TNFSF15: variants seen among roughly 807,000 people sequenced by gnomAD.
TNFSF15 encodes tumor necrosis factor ligand superfamily member 15.
A neutral mutation model predicts 26.4 loss-of-function variants in TNFSF15; 15 were observed. That is an observed-to-expected ratio of 0.57 (90% CI 0.38 to 0.87). The LOEUF (loss-of-function observed/expected upper bound fraction) is 0.87, where lower values mean the gene tolerates loss of function less well. Ranked by LOEUF, TNFSF15 falls within the 40% of genes least tolerant of loss-of-function variation. TNFSF15 has a pLI of 0.00. For synonymous variants in TNFSF15, 116 were observed against 115.0 expected (o/e 1.01, Z -0.06); for missense variants, 290 against 306.1 (o/e 0.95, Z 0.39).
intron 1 of TNFSF15, among the ~76,000 whole-genome samples, chr9:114,798,110 G>A (rs1400145546): frequency 1.3e-5 from 2 of 152,178 alleles, no homozygotes; most frequent in African/African-American, 2.4e-5. Context: ...CATTTAGTAC[G>A]AGGGCCTCTA....
In TNFSF15 at chr9:114,794,046, T is replaced by C. The variant is rs185992522; in HGVS notation, c.211-478A>G. Among the ~76,000 whole-genome samples the C allele has an allele frequency of 2.0e-5, 3 of 152,362 alleles. No individual in the cohort carries two copies. The East Asian group carries it at 5.8e-4, about 29-fold the overall frequency. ...TTTCTGTGCAATACATAAAGACTTTTTAAATAATTGCAACCCTAGTTTGTG... is the reference window on the plus strand; with the variant it reads ...TTTCTGTGCAATACATAAAGACTTTCTAAATAATTGCAACCCTAGTTTGTG... On this transcript the variant is annotated intron_variant, in intron 1 of 3. Coordinates refer to ENST00000374045, the MANE Select transcript of TNFSF15 (RefSeq NM_005118.4).
chr9:114,804,066 C>T (rs1829784056), intron 1 of TNFSF15, among the ~76,000 whole-genome samples: 1 of 152,224 alleles, frequency 6.6e-6, no homozygotes, highest in South Asian at 2.1e-4. Flanking sequence ...ACCCCCATTT[C>T]CCTCTCCTTT....
chr9:114,798,843 C>T (rs1829705140), intron 1 of TNFSF15, among the ~76,000 whole-genome samples: 1 of 152,144 alleles, frequency 6.6e-6, no homozygotes, highest in South Asian at 2.1e-4. Flanking sequence ...TCCACATAGC[C>T]TTTCCTCTCA....
intron 2 of TNFSF15, 76 bp from the exon 3 acceptor site, chr9:114,792,530 T>C: frequency 1.2e-6 from 2 of 1,605,714 alleles, no homozygotes; most frequent in South Asian, 1.1e-5. Context: ...GTGAGTTGCA[T>C]GGCGCCTATG....
chr9:114,792,521 T>G, intron 2 of TNFSF15, 67 bp from the exon 3 acceptor site: 1 of 1,610,080 alleles, frequency 6.2e-7, no homozygotes, highest in Non-Finnish European at 8.5e-7. Context: ...CGGCCCTTTG[T>G]GAGTTGCATG....
Position 114,800,429 on chromosome 9 carries a change from T to C in TNFSF15, c.210+5374A>G, listed in dbSNP as rs191408365. The stretch of plus-strand genomic sequence containing the variant: ...CTTACTATGGGGTAGGTGCTTTTCA[T>C]AGTTAAATCCTCCTGCCTATCCCAG... On this transcript the variant is annotated intron_variant, in intron 1 of 3. Transcript: ENST00000374045. Among the ~76,000 whole-genome samples, 23 of 152,252 alleles carry C rather than the reference T, an allele frequency of 1.5e-4. No homozygotes were observed. In the East Asian group the frequency reaches 4.2e-3, roughly 28 times the overall value.
In TNFSF15 at chr9:114,788,429, CAGAGGTTAGAAAATATATTT is replaced by C. The variant is rs1393907376; in HGVS notation, c.*2003_*2022del. ...AAAGGCCTGGCTTAAGTTAGCCTAG[CAGAGGTTAGAAAATATATTT>C]AGAGCCTTAACCTCCAAACTGAGAA... On this transcript the variant is annotated 3_prime_UTR_variant, in exon 4 of 4. Coordinates refer to ENST00000374045, the MANE Select transcript of TNFSF15 (RefSeq NM_005118.4). 6.5e-6 allele frequency: 1 copy of C among 153,498 alleles called. No homozygotes were observed. Among genetic ancestry groups the C allele is most frequent in the Admixed American group, 6.5e-5 (1 of 15,280 alleles). 9.5% of individuals were successfully genotyped at this position (153,498 alleles called of 1,614,324 possible). A position where few individuals can be genotyped will look rare whatever the true frequency, so the allele number is the denominator to read the frequency against.
At chr9:114,793,503 G>C in intron 2 of TNFSF15, 23 bp downstream of exon 2, 1 of 1,613,130 alleles carries the variant, frequency 6.2e-7, no homozygotes, top group East Asian at 2.2e-5. Flanking sequence ...ACGAGGAAAG[G>C]CGTTGAAGAT....
chr9:114,800,156 T>C (rs962212419), intron 1 of TNFSF15, among the ~76,000 whole-genome samples: 13 of 152,296 alleles, frequency 8.5e-5, no homozygotes, highest in Non-Finnish European at 1.5e-4. Context: ...GGGAATCATG[T>C]CTGCTGAGCA....
At chr9:114,804,406 G>C (rs1348341951) in intron 1 of TNFSF15, among the ~76,000 whole-genome samples, 2 of 152,172 alleles carry the variant, frequency 1.3e-5, no homozygotes, top group Non-Finnish European at 2.9e-5. Flanking sequence ...GACAAAGGCA[G>C]TCCTCGCCTT....
chr9:114,791,768 A>G (rs987821506), intron 3 of TNFSF15: 6 of 167,464 alleles, frequency 3.6e-5, no homozygotes, highest in Non-Finnish European at 1.5e-5. Flanking sequence ...TGGTGATAGT[A>G]TGGAATTTCT....
chr9:114,792,761 G>C (rs913882043), intron 2 of TNFSF15, among the ~76,000 whole-genome samples: 1 of 152,228 alleles, frequency 6.6e-6, no homozygotes, highest in Non-Finnish European at 1.5e-5. Flanking sequence ...GCACAGTATA[G>C]ATGGAGGTGC....
chr9:114,785,962 TA>T lies in TNFSF15; in HGVS notation c.*4489del. ...CCAGGCTGGTGTGGTATTTTCATCT[TA>T]AAATGGGGTGATGGAAGGGGTGGAG... On this transcript the variant is annotated 3_prime_UTR_variant, in exon 4 of 4. Coordinates refer to ENST00000374045, the MANE Select transcript of TNFSF15 (RefSeq NM_005118.4). The T allele has an allele frequency of 6.6e-6, 1 of 152,476 alleles. No homozygotes were observed. The highest frequency in any genetic ancestry group is 1.5e-5 in the Non-Finnish European group (1 of 68,086). The allele number at this position is 152,476 out of a possible 1,614,324, so 9.4% of individuals were successfully genotyped here.
At position 114,790,083 on chromosome 9, in the gene TNFSF15, A is replaced by G. The variant is rs1829569923; in HGVS notation, c.*369T>C. ...TGAAGCAAATTTATGATCAAATTGA[A>G]CAATAACTGGACCACTGGTGACCAT... On this transcript the variant is annotated 3_prime_UTR_variant, in exon 4 of 4. Transcript: ENST00000374045. The G allele has an allele frequency of 6.1e-6, 1 of 162,682 alleles. No individual in the cohort carries two copies. The allele number at this position is 162,682 out of a possible 1,614,324, so 10.1% of individuals were successfully genotyped here. A position where few individuals can be genotyped will look rare whatever the true frequency, so the allele number is the denominator to read the frequency against.
intron 3 of TNFSF15, chr9:114,791,816 A>T (rs560144436): frequency 6.0e-6 from 1 of 167,962 alleles, no homozygotes; most frequent in Non-Finnish European, 1.5e-5. Context: ...CTTTGGAAAC[A>T]CCTCCCTGAA....
In TNFSF15 at chr9:114,793,298, G is replaced by A. The variant is rs148814883; in HGVS notation, c.253+228C>T. Among the ~76,000 whole-genome samples the A allele has an allele frequency of 4.6e-3, 703 of 152,200 alleles. 7 individuals carry two copies. Among genetic ancestry groups the A allele is most frequent in the African/African-American group, 0.016 (662 of 41,502 alleles). ...AAAGGTCACACTGCTAGTAGATTCC[G>A]GAGTTGGGGTTTGAGTTCAGGCCAT... On this transcript the variant is annotated intron_variant, in intron 2 of 3. Coordinates refer to ENST00000374045, the MANE Select transcript of TNFSF15 (RefSeq NM_005118.4).
chr9:114,797,611 T>G lies in TNFSF15; in HGVS notation c.211-4043A>C, dbSNP rs537162345. Among the ~76,000 whole-genome samples, 10 of 152,322 alleles carry G rather than the reference T, an allele frequency of 6.6e-5. No individual in the cohort carries two copies. In the South Asian group the frequency reaches 1.7e-3, roughly 25 times the overall value. On this transcript the variant is annotated intron_variant, in intron 1 of 3. Coordinates refer to ENST00000374045, the MANE Select transcript of TNFSF15 (RefSeq NM_005118.4). Reference sequence around the variant, plus strand: ...GTCCTAATGCCTGCTCTCAGGATGGTTCCTGGGAACACCAGGCCAATGCAA... The same window carrying G: ...GTCCTAATGCCTGCTCTCAGGATGGGTCCTGGGAACACCAGGCCAATGCAA...
chr9:114,805,420 G>C (rs73656202), intron 1 of TNFSF15, among the ~76,000 whole-genome samples: 1 of 151,920 alleles, frequency 6.6e-6, no homozygotes, highest in Non-Finnish European at 1.5e-5. Context: ...AAGAGTTATG[G>C]GTAATGATGA....
rs754707175 is a variant in TNFSF15 at position 114,785,572 on chromosome 9, C to A, written c.*4880G>T. ...TGTGAAGAATAGCTTCTACAAAAACCCTTGTGACAAGCCCTTTGTTTGAGT... is the reference window on the plus strand; with the variant it reads ...TGTGAAGAATAGCTTCTACAAAAACACTTGTGACAAGCCCTTTGTTTGAGT... On this transcript the variant is annotated 3_prime_UTR_variant, in exon 4 of 4. Coordinates refer to ENST00000374045, the MANE Select transcript of TNFSF15 (RefSeq NM_005118.4). 6.6e-6 allele frequency: 1 copy of A among 152,182 alleles called. No individual in the cohort carries two copies. Among genetic ancestry groups the A allele is most frequent in the Admixed American group, 6.5e-5 (1 of 15,282 alleles). 9.4% of individuals were successfully genotyped at this position (152,182 alleles called of 1,614,324 possible). A position where few individuals can be genotyped will look rare whatever the true frequency, so the allele number is the denominator to read the frequency against.
Sources: gnomAD v4.1 joint callset for allele counts (sites outside exome capture counted in the v4.1 genomes callset) on GRCh38, gnomAD v4.1.1 for gene constraint, MANE v1.5 for transcripts, NCBI Gene and HGNC (gene_info 2026-07-23, HGNC 2026-07-21) for gene names.